SYTL2: variants seen among roughly 807,000 people sequenced by gnomAD.
SYTL2 encodes the protein synaptotagmin-like protein 2.
In SYTL2, 165 loss-of-function variants were observed where a neutral mutation model predicts 198.7. That is an observed-to-expected ratio of 0.83 (90% CI 0.73 to 0.94). SYTL2 has a LOEUF of 0.94. SYTL2 is among the 40% of genes least tolerant of loss of function. The probability of loss-of-function intolerance (pLI) is 0.00; values close to 1 mark genes in which losing one functional copy is unlikely to be tolerated. For synonymous variants in SYTL2, 966 were observed against 917.7 expected, an observed-to-expected ratio of 1.05 and a Z score of -0.95; for missense variants, 2,835 against 2,582.8, an observed-to-expected ratio of 1.10 and a Z score of -2.12.
chr11:85,713,161 A>T (rs1277565946), intron 12 of SYTL2, among the ~76,000 whole-genome samples: 1 of 152,220 alleles, frequency 6.6e-6, no homozygotes, highest in Non-Finnish European at 1.5e-5. Flanking sequence ...ATATTTGCAG[A>T]TACAGTTCAT....
chr11:85,727,763 G>C lies in SYTL2; in HGVS notation c.1595C>G (p.Ser532Ter), dbSNP rs2089371186. The C allele has an allele frequency of 6.4e-7, 1 of 1,565,720 alleles. No homozygotes were observed. The highest frequency in any genetic ancestry group is 8.7e-7 in the Non-Finnish European group (1 of 1,154,642). Residue 532 changes from serine to a stop codon, truncating the protein, a stop_gained, in exon 8 of 20, where the codon TCA (serine) becomes TGA (stop). Coordinates refer to ENST00000359152, the MANE Select transcript of SYTL2 (RefSeq NM_206927.4). LOFTEE classifies it high-confidence loss of function. ...TTGGAGGAATGACTTATTGTCATCT[G>C]AATAAGAACTTCGGTTAAACCAGTC... ...VLDWFNRSSY[S>*]DDNKSFLQHP...
At chr11:85,792,183 T>C (rs146851538) in intron 1 of SYTL2, among the ~76,000 whole-genome samples, 2 of 152,026 alleles carry the variant, frequency 1.3e-5, no homozygotes, top group African/African-American at 4.8e-5. Flanking sequence ...GAAGAGGACA[T>C]GACTTACTTG....
intron 7 of SYTL2, 44 bp downstream of exon 7, chr11:85,733,895 G>C (rs371737278): frequency 6.4e-7 from 1 of 1,564,248 alleles, no homozygotes; most frequent in Non-Finnish European, 8.8e-7. Context: ...CACCGCGCCC[G>C]GCCCCACCAA....
At chr11:85,824,717 G>T in the SYTL2 span, among the ~76,000 whole-genome samples, 3 of 152,222 alleles carry the variant, frequency 2.0e-5, no homozygotes, top group African/African-American at 7.2e-5. Context: ...TAGAAAGTAA[G>T]CTCCTTGCTT....
chr11:85,820,875 A>G, the SYTL2 span, among the ~76,000 whole-genome samples: 1 of 152,246 alleles, frequency 6.6e-6, no homozygotes, highest in Non-Finnish European at 1.5e-5. Context: ...TAAAGTAAGT[A>G]TACTGTAGGA....
intron 1 of SYTL2, among the ~76,000 whole-genome samples, chr11:85,790,728 T>A (rs1005820005): frequency 1.3e-5 from 2 of 152,152 alleles, no homozygotes; most frequent in African/African-American, 2.4e-5. Flanking sequence ...GGATGTGCCC[T>A]ATGGTGCTGG....
At position 85,724,527 on chromosome 11, in the gene SYTL2, A is replaced by T; in HGVS notation, c.4831T>A (p.Phe1611Ile). The change falls in exon 8 of 20, where the codon TTT becomes ATT. Residue 1611 changes from phenylalanine (F) to isoleucine (I), a missense_variant. Physicochemically the swap from Phe to Ile is conservative, Grantham distance 21. Coordinates refer to ENST00000359152, the MANE Select transcript of SYTL2 (RefSeq NM_206927.4). ...QTRFLGTVPH[F>I]YRAASQTSEM... Reference sequence around the variant, plus strand: ...GAGGTCTGTGAGGCTGCCCTGTAAAAATGGGGCACTGTCCCCAAGAACCTG... The same window carrying T: ...GAGGTCTGTGAGGCTGCCCTGTAAATATGGGGCACTGTCCCCAAGAACCTG... 1.9e-6 allele frequency: 3 copies of T among 1,613,968 alleles called. No individual in the cohort carries two copies. The highest frequency in any genetic ancestry group is 2.5e-6 in the Non-Finnish European group (3 of 1,180,010).
At chr11:85,808,240 T>C (rs763193836) in intron 1 of SYTL2, among the ~76,000 whole-genome samples, 2 of 152,106 alleles carry the variant, frequency 1.3e-5, no homozygotes, top group African/African-American at 2.4e-5. Context: ...CTAAGTTTTG[T>C]ATTTTTAGTA....
At chr11:85,798,651 G>A (rs996597813) in intron 1 of SYTL2, among the ~76,000 whole-genome samples, 7 of 152,312 alleles carry the variant, frequency 4.6e-5, no homozygotes, top group East Asian at 1.9e-4. Flanking sequence ...AAAAAGGTGC[G>A]TGGGGTGAAG....
At chr11:85,808,328 G>A (rs2092987901) in intron 1 of SYTL2, among the ~76,000 whole-genome samples, 2 of 152,270 alleles carry the variant, frequency 1.3e-5, no homozygotes, top group South Asian at 4.1e-4. Context: ...GCCTCCCAAA[G>A]TGCTGGGATT....
At chr11:85,836,555 C>T in the SYTL2 span, among the ~76,000 whole-genome samples, 507 of 152,136 alleles carry the variant, frequency 3.3e-3, 4 homozygotes, top group African/African-American at 0.012. Context: ...TACCATTTCT[C>T]CCAAAGCCCC....
chr11:85,737,549 A>C, intron 5 of SYTL2, 26 bp downstream of exon 5: 1 of 1,585,028 alleles, frequency 6.3e-7, no homozygotes. Context: ...CAAATACAAG[A>C]TTTTCAAAAT....
the SYTL2 span, among the ~76,000 whole-genome samples, chr11:85,830,731 T>G: frequency 6.6e-6 from 1 of 152,238 alleles, no homozygotes; most frequent in Admixed American, 6.5e-5. Context: ...TTGGAGCTTC[T>G]TCCTTCAGCG....
chr11:85,726,506 A>G lies in SYTL2; in HGVS notation c.2852T>C (p.Leu951Pro). ...AAAGTTGGCATTTGATTCACGAACT[A>G]GAGGTCTGTCTTTCTCCAATGGAGC... ...RHAPLEKDRPLVRESNANFKV... is the reference protein window; with the variant it reads ...RHAPLEKDRPPVRESNANFKV... Residue 951 changes from leucine to proline, a missense_variant, in exon 8 of 20, where the codon CTA (leucine) becomes CCA (proline). Leu to Pro is a moderately conservative substitution (Grantham distance 98, BLOSUM62 -3). Around this residue, in one of 3 missense-constraint regions of SYTL2, gnomAD observed 2,645 missense variants for 2,381.7 expected, o/e 1.11. Coordinates refer to ENST00000359152, the MANE Select transcript of SYTL2 (RefSeq NM_206927.4). 2 of 1,606,496 alleles carry G rather than the reference A, an allele frequency of 1.2e-6. No homozygotes were observed. The highest frequency in any genetic ancestry group is 1.7e-6 in the Non-Finnish European group (2 of 1,179,920).
chr11:85,739,247 G>A (rs1240963525), intron 4 of SYTL2, among the ~76,000 whole-genome samples: 1 of 142,124 alleles, frequency 7.0e-6, no homozygotes, highest in Non-Finnish European at 1.5e-5. Context: ...GTAAGCAGGA[G>A]GCTGGCTTTT....
chr11:85,721,376 C>T (rs1258522993), intron 8 of SYTL2, among the ~76,000 whole-genome samples: 1 of 151,850 alleles, frequency 6.6e-6, no homozygotes, highest in Non-Finnish European at 1.5e-5. Flanking sequence ...AGATGTTTAA[C>T]ATCTGTGTAT....
intron 1 of SYTL2, among the ~76,000 whole-genome samples, chr11:85,769,570 C>A (rs139069368): frequency 1.1e-3 from 170 of 152,264 alleles, no homozygotes; most frequent in African/African-American, 3.9e-3. Flanking sequence ...TGTCTTAAGC[C>A]CCTAAGTTCA....
At chr11:85,701,121 A>G (rs2084233589) in intron 16 of SYTL2, among the ~76,000 whole-genome samples, 1 of 152,166 alleles carries the variant, frequency 6.6e-6, no homozygotes, top group South Asian at 2.1e-4. Context: ...TTAAACTTCT[A>G]TCTGTTATTT....
Position 85,757,653 on chromosome 11 carries a change from G to A in SYTL2, c.73C>T (p.Leu25=). 1 of 1,613,798 alleles carries A rather than the reference G, an allele frequency of 6.2e-7. No homozygotes were observed. Among genetic ancestry groups the A allele is most frequent in the Non-Finnish European group, 8.5e-7 (1 of 1,179,946 alleles). The change falls in exon 2 of 20, where the codon CTG becomes TTG. Residue 25 remains leucine, a synonymous_variant. Coordinates refer to ENST00000359152, the MANE Select transcript of SYTL2 (RefSeq NM_206927.4). Reference sequence around the variant, plus strand: ...ACTCTCTCTTCTTCGGCCCTCTTCAGAGCAGCATCCCGCTGCAAAACCTTC... The same window carrying A: ...ACTCTCTCTTCTTCGGCCCTCTTCAAAGCAGCATCCCGCTGCAAAACCTTC... ...IMKVLQRDAA[L]KRAEEERVRH...
Sources: gnomAD v4.1 joint callset for allele counts (sites outside exome capture counted in the v4.1 genomes callset) on GRCh38, gnomAD v4.1.1 for gene constraint, gnomAD v4.1.1 regional missense constraint, MANE v1.5 for transcripts, NCBI Gene and HGNC (gene_info 2026-07-23, HGNC 2026-07-21) for gene names.